Variants in UGP2 observed in about 807,000 individuals in gnomAD.
UGP2 encodes the protein UDP-glucose pyrophosphorylase 2.
In UGP2, 40 loss-of-function variants were observed where a neutral mutation model predicts 49.0. That is an observed-to-expected ratio of 0.82 (90% CI 0.63 to 1.06). The LOEUF (loss-of-function observed/expected upper bound fraction) is 1.06. Ranked by LOEUF, UGP2 falls within the 50% of genes least tolerant of loss-of-function variation. UGP2 has a pLI of 0.00. For missense variants in UGP2, 460 were observed against 603.5 expected (o/e 0.76, Z 2.49); for synonymous variants, 225 against 213.0 (o/e 1.06, Z -0.49).
chr2:63,847,556 AAG>A (rs896061773), intron 1 of UGP2, among the ~76,000 whole-genome samples: 6 of 152,152 alleles, frequency 3.9e-5, no homozygotes, highest in East Asian at 3.8e-4. Context: ...TGAGTCCGAA[AAG>A]AGAGTCAGTG....
chr2:63,890,231 A>C (rs575929373), intron 9 of UGP2, 46 bp downstream of exon 9: 18 of 1,404,158 alleles, frequency 1.3e-5, no homozygotes, highest in Non-Finnish European at 1.7e-5. Context: ...CTTACAATAT[A>C]GGTCTCATTT....
chr2:63,876,430 G>A (rs1051735755), intron 3 of UGP2, among the ~76,000 whole-genome samples: 1 of 152,132 alleles, frequency 6.6e-6, no homozygotes, highest in African/African-American at 2.4e-5. Flanking sequence ...TCCCCTGGAG[G>A]CTTCCAACAG....
intron 3 of UGP2, among the ~76,000 whole-genome samples, chr2:63,869,163 C>T (rs1558948728): frequency 6.6e-6 from 1 of 151,558 alleles, no homozygotes; most frequent in African/African-American, 2.4e-5. Flanking sequence ...TTTCAAGTAG[C>T]GGTAAGTGAA....
At chr2:63,850,196 G>A (rs1668955652) in intron 1 of UGP2, among the ~76,000 whole-genome samples, 1 of 152,154 alleles carries the variant, frequency 6.6e-6, no homozygotes, top group African/African-American at 2.4e-5. Context: ...TATATAAATT[G>A]TAGCAGTTTT....
At position 63,886,326 on chromosome 2, in the gene UGP2, T is replaced by C; in HGVS notation, c.874-15T>C. On this transcript the variant is annotated splice_polypyrimidine_tract_variant and intron_variant, in intron 6 of 9. Transcript: ENST00000337130. ...AGACTGATGTGGAGGCACTCACTAT[T>C]TTCTGCCTTTCTAGGGCGGGACACT... is the stretch of plus-strand genomic sequence containing the variant. 6.2e-7 allele frequency: 1 copy of C among 1,613,336 alleles called. No individual in the cohort carries two copies.
intron 3 of UGP2, among the ~76,000 whole-genome samples, chr2:63,870,115 G>A (rs1239395795): frequency 6.6e-6 from 1 of 151,702 alleles, no homozygotes; most frequent in African/African-American, 2.4e-5. Context: ...ATAGAGATGG[G>A]GTTTCACCAT....
intron 3 of UGP2, among the ~76,000 whole-genome samples, chr2:63,873,523 T>C (rs1405057851): frequency 6.6e-6 from 1 of 152,180 alleles, no homozygotes; most frequent in African/African-American, 2.4e-5. Flanking sequence ...AGGCTCCATT[T>C]TTTTATCTTC....
intron 3 of UGP2, among the ~76,000 whole-genome samples, chr2:63,858,773 T>G (rs1292149382): frequency 6.6e-6 from 1 of 152,046 alleles, no homozygotes; most frequent in African/African-American, 2.4e-5. Context: ...TTCTTCTGGA[T>G]AGGTATGTTG....
chr2:63,887,660 GAT>G lies in UGP2; in HGVS notation c.1314+19_1314+20del, dbSNP rs1671781578. The G allele has an allele frequency of 3.7e-6, 6 of 1,610,800 alleles. No individual in the cohort carries two copies. Among genetic ancestry groups the G allele is most frequent in the Middle Eastern group, 1.7e-4 (1 of 6,038 alleles). On this transcript the variant is annotated intron_variant, in intron 8 of 9. Transcript: ENST00000337130. ...TTTTACGAAGGTACGTAACTATAAAGATATGTGAGTTCATATTTCTTAAATGT... is the reference window on the plus strand; with the variant it reads ...TTTTACGAAGGTACGTAACTATAAAGATGTGAGTTCATATTTCTTAAATGT...
chr2:63,868,907 A>C (rs1270369117), intron 3 of UGP2, among the ~76,000 whole-genome samples: 1 of 151,772 alleles, frequency 6.6e-6, no homozygotes, highest in African/African-American at 2.4e-5. Flanking sequence ...CTGGGAGGCA[A>C]TGAGCTGAGA....
chr2:63,889,968 G>A, intron 8 of UGP2, 113 bp from the exon 9 acceptor site: 11 of 765,876 alleles, frequency 1.4e-5, no homozygotes, highest in South Asian at 3.3e-5. Context: ...CAGAGGACCT[G>A]AGCTTTGCCA....
At chr2:63,868,492 G>C (rs1252259739) in intron 3 of UGP2, among the ~76,000 whole-genome samples, 1 of 151,990 alleles carries the variant, frequency 6.6e-6, no homozygotes, top group Non-Finnish European at 1.5e-5. Context: ...TTACTTCTGG[G>C]GATTCTCTTA....
At chr2:63,886,304 CTGA>C (rs1558962757) in intron 6 of UGP2, 34 bp from the exon 7 acceptor site, 2 of 1,594,886 alleles carry the variant, frequency 1.3e-6, no homozygotes, top group African/African-American at 2.7e-5. Flanking sequence ...GCACTTGAGA[CTGA>C]TGTGGAGGCA....
upstream of UGP2, chr2:63,841,161 TTC>T (rs1016449995): frequency 4.6e-5 from 7 of 151,900 alleles, no homozygotes; most frequent in Admixed American, 3.3e-4. Context: ...AGAGGTGACT[TTC>T]AGCCTGCGAG....
intron 8 of UGP2, chr2:63,889,629 A>T (rs2104371633): frequency 6.5e-6 from 1 of 153,166 alleles, no homozygotes. Flanking sequence ...AAATAAAAAG[A>T]CAAAGATGGT....
chr2:63,842,871 C>T (rs1363880598), intron 1 of UGP2, among the ~76,000 whole-genome samples: 1 of 152,158 alleles, frequency 6.6e-6, no homozygotes, highest in African/African-American at 2.4e-5. Context: ...TAGGGAATGC[C>T]TCAACTGAGA....
chr2:63,888,716 AGAAAACCCACACAGATGTGGGG>A (rs1671859516), intron 8 of UGP2: 1 of 152,264 alleles, frequency 6.6e-6, no homozygotes, highest in Non-Finnish European at 1.5e-5. Context: ...GAATAGTTGG[AGAAAACCCACACAGATGTGGGG>A]AGAACGTGCA....
chr2:63,842,648 A>G (rs1423787158), intron 1 of UGP2: 14 of 1,410,602 alleles, frequency 9.9e-6, no homozygotes, highest in South Asian at 3.1e-5. Context: ...CTCCGCTTCT[A>G]CTTCGTTTGT....
At chr2:63,845,205 G>A (rs1053352990) in intron 1 of UGP2, among the ~76,000 whole-genome samples, 1 of 152,140 alleles carries the variant, frequency 6.6e-6, no homozygotes, top group African/African-American at 2.4e-5. Flanking sequence ...TTTGAATACC[G>A]TTACTAGCAG....
Sources: gnomAD v4.1 joint callset for allele counts (sites outside exome capture counted in the v4.1 genomes callset) on GRCh38, gnomAD v4.1.1 for gene constraint, MANE v1.5 for transcripts, NCBI Gene and HGNC (gene_info 2026-07-23, HGNC 2026-07-21) for gene names.